The following ADD2 variants were observed in gnomAD, a reference collection of about 807,000 sequenced individuals.
ADD2 encodes adducin 2.
Under a neutral mutation model 83.0 loss-of-function variants are expected in ADD2, and 23 were observed. The ratio of observed to expected loss-of-function variants is 0.28; its 90% CI spans 0.20 to 0.39. ADD2 has a LOEUF of 0.39. Ranked by LOEUF, ADD2 falls within the 10% of genes least tolerant of loss-of-function variation. The probability of loss-of-function intolerance (pLI) is 1.00; values close to 1 mark genes in which losing one functional copy is unlikely to be tolerated. For missense variants in ADD2, 758 were observed against 944.9 expected (o/e 0.80, Z 2.59); for synonymous variants, 375 against 375.4 (o/e 1.00, Z 0.01).
intron 6 of ADD2, among the ~76,000 whole-genome samples, chr2:70,695,197 G>A (rs1553372381): frequency 6.6e-6 from 1 of 152,114 alleles, no homozygotes; most frequent in African/African-American, 2.4e-5. Flanking sequence ...ATCTGAGAAG[G>A]ATTGGGCCTT....
intron 1 of ADD2, among the ~76,000 whole-genome samples, chr2:70,732,774 G>C (rs899629477): frequency 1.2e-4 from 18 of 152,214 alleles, no homozygotes; most frequent in Admixed American, 3.3e-4. Context: ...TTCCTTTGGG[G>C]AGATGAAGGA....
intron 15 of ADD2, among the ~76,000 whole-genome samples, chr2:70,664,795 G>A (rs940341181): frequency 1.3e-4 from 19 of 151,806 alleles, no homozygotes; most frequent in Admixed American, 6.6e-5. Context: ...TGTGTGTGGT[G>A]TAAGTGTGTA....
At chr2:70,671,394 A>C (rs1669888098) in intron 15 of ADD2, among the ~76,000 whole-genome samples, 1 of 152,170 alleles carries the variant, frequency 6.6e-6, no homozygotes, top group African/African-American at 2.4e-5. Context: ...TAATCCATGC[A>C]TAGTGCATGT....
intron 1 of ADD2, chr2:70,760,469 G>A (rs1553384651): frequency 1.3e-5 from 2 of 152,214 alleles, no homozygotes; most frequent in Non-Finnish European, 2.9e-5. Context: ...TCACCATGGA[G>A]ATGTTATAAC....
At chr2:70,709,699 T>G (rs180713763) in intron 2 of ADD2, among the ~76,000 whole-genome samples, 1 of 152,340 alleles carries the variant, frequency 6.6e-6, no homozygotes, top group African/African-American at 2.4e-5. Context: ...GGCGGAAGCA[T>G]GGAGGATCTG....
intron 1 of ADD2, among the ~76,000 whole-genome samples, chr2:70,721,346 T>C (rs1480079217): frequency 6.6e-6 from 1 of 152,218 alleles, no homozygotes; most frequent in Non-Finnish European, 1.5e-5. Context: ...CTCAGATCTT[T>C]CATCTTAGTC....
chr2:70,721,290 C>A (rs1672717908), intron 1 of ADD2, among the ~76,000 whole-genome samples: 1 of 152,216 alleles, frequency 6.6e-6, no homozygotes, highest in South Asian at 2.1e-4. Flanking sequence ...TGATATTAAA[C>A]ATTTTATCAC....
intron 1 of ADD2, among the ~76,000 whole-genome samples, chr2:70,752,208 T>C (rs569032837): frequency 3.9e-5 from 6 of 152,136 alleles, no homozygotes; most frequent in African/African-American, 7.2e-5. Flanking sequence ...ATTATATTCA[T>C]AACAAGGGAG....
intron 7 of ADD2, 26 bp from the exon 8 acceptor site, chr2:70,690,955 C>A (rs367592992): frequency 1.7e-5 from 27 of 1,597,146 alleles, no homozygotes; most frequent in Non-Finnish European, 1.9e-5. Context: ...GCATGGTTAG[C>A]ACCTGCAGCC....
chr2:70,713,196 A>G lies in ADD2; in HGVS notation c.-153-12T>C. ...CATCCAGGTGGAAACTGCAAAACACAAACACGACAAGTGTCAGGGCCTGCA... is the reference window on the plus strand; with the variant it reads ...CATCCAGGTGGAAACTGCAAAACACGAACACGACAAGTGTCAGGGCCTGCA... On this transcript the variant is annotated splice_polypyrimidine_tract_variant and intron_variant, in intron 1 of 15. Coordinates refer to ENST00000264436, the MANE Select transcript of ADD2 (RefSeq NM_001617.4). 1 of 975,994 alleles carries G rather than the reference A, an allele frequency of 1.0e-6. No homozygotes were observed. The highest frequency in any genetic ancestry group is 5.3e-4 in the Middle Eastern group (1 of 1,896). The allele number at this position is 975,994 out of a possible 1,614,324, so 60.5% of individuals were successfully genotyped here.
chr2:70,677,016 A>C, intron 12 of ADD2, 131 bp from the exon 13 acceptor site: 1 of 1,406,682 alleles, frequency 7.1e-7, no homozygotes, highest in Non-Finnish European at 9.4e-7. Flanking sequence ...ACCTATCCTA[A>C]TGCAATCCTT....
rs1313344104 is a variant in ADD2 at position 70,764,281 on chromosome 2, C to G, written c.-154+3605G>C. On this transcript the variant is annotated intron_variant, in intron 1 of 15. Coordinates refer to ENST00000264436, the MANE Select transcript of ADD2 (RefSeq NM_001617.4). ...ATTCAAATATTGTTAAAATCCACAA[C>G]AGCAACTTTTCTGTTGTGTTTTTAC... Among the ~76,000 whole-genome samples the G allele has an allele frequency of 3.9e-5, 6 of 152,082 alleles. No individual in the cohort carries two copies. The East Asian group carries it at 1.2e-3, about 29-fold the overall frequency.
chr2:70,664,762 TG>T (rs1318218950), intron 15 of ADD2, among the ~76,000 whole-genome samples: 1 of 145,996 alleles, frequency 6.8e-6, no homozygotes, highest in Non-Finnish European at 1.5e-5. Context: ...TGTGTGAGGG[TG>T]TGCAAGTGTG....
intron 1 of ADD2, among the ~76,000 whole-genome samples, chr2:70,756,727 T>A (rs539551445): frequency 6.6e-6 from 1 of 152,150 alleles, no homozygotes; most frequent in Non-Finnish European, 1.5e-5. Flanking sequence ...GAATGGGAAA[T>A]CTGGTTGTAG....
intron 1 of ADD2, among the ~76,000 whole-genome samples, chr2:70,728,367 A>G (rs1673115696): frequency 6.6e-6 from 1 of 152,186 alleles, no homozygotes; most frequent in South Asian, 2.1e-4. Flanking sequence ...CGCTTTATAG[A>G]TAAAGAGCCT....
At chr2:70,705,936 C>A (rs1254110736) in intron 3 of ADD2, among the ~76,000 whole-genome samples, 2 of 152,168 alleles carry the variant, frequency 1.3e-5, no homozygotes, top group African/African-American at 4.8e-5. Context: ...GGAGGGAAGA[C>A]TGGGAACTGA....
intron 2 of ADD2, among the ~76,000 whole-genome samples, chr2:70,707,319 A>C (rs1240982552): frequency 6.6e-6 from 1 of 152,250 alleles, no homozygotes; most frequent in Non-Finnish European, 1.5e-5. Flanking sequence ...TATGGTTTGC[A>C]GGGTGCCATG....
Position 70,762,534 on chromosome 2 carries a change from T to C in ADD2, c.-154+5352A>G, listed in dbSNP as rs1675168750. Among the ~76,000 whole-genome samples, 3 of 151,454 alleles carry C rather than the reference T, an allele frequency of 2.0e-5. No homozygotes were observed. The South Asian group carries it at 6.2e-4, about 32-fold the overall frequency. On this transcript the variant is annotated intron_variant, in intron 1 of 15. Coordinates refer to ENST00000264436, the MANE Select transcript of ADD2 (RefSeq NM_001617.4). ...CCTGGGCAATCAGGGCCCTGAGTAA[T>C]ACAGCATCAAATATAACTATGTAAA...
chr2:70,693,157 A>C (rs560147676), intron 6 of ADD2, among the ~76,000 whole-genome samples: 1 of 152,226 alleles, frequency 6.6e-6, no homozygotes, highest in South Asian at 2.1e-4. Flanking sequence ...TCAATCACAG[A>C]ATGTCCTGTG....
Sources: allele counts gnomAD v4.1 joint callset (sites outside exome capture counted in the v4.1 genomes callset), GRCh38; gene constraint gnomAD v4.1.1; transcripts MANE v1.5; gene names NCBI Gene and HGNC (gene_info 2026-07-23, HGNC 2026-07-21).